Variants in TENT2 observed in about 807,000 individuals in gnomAD.
The protein encoded by TENT2 is terminal nucleotidyltransferase 2.
TENT2 carries 44 observed loss-of-function variants against 72.2 expected under a neutral mutation model. That is an observed-to-expected ratio of 0.61 (90% CI 0.48 to 0.78). The LOEUF is 0.78. Ranked by LOEUF, TENT2 falls within the 30% of genes least tolerant of loss-of-function variation. The pLI is 0.00. For missense variants in TENT2, 541 were observed against 569.6 expected (o/e 0.95, Z 0.51); for synonymous variants, 212 against 192.5 (o/e 1.10, Z -0.84).
At chr5:79,652,231 A>G (rs2150203733) in intron 10 of TENT2, among the ~76,000 whole-genome samples, 1 of 152,174 alleles carries the variant, frequency 6.6e-6, no homozygotes, top group Non-Finnish European at 1.5e-5. Flanking sequence ...AATTTTCTAG[A>G]ATAGGGGAAT....
In TENT2 at chr5:79,656,992, A is replaced by G; in HGVS notation, c.1062A>G (p.Lys354=). Residue 354 remains lysine (K), a synonymous_variant, in exon 11 of 15, where the codon AAA becomes AAG. Coordinates refer to ENST00000453514, the MANE Select transcript of TENT2 (RefSeq NM_001114394.3). ...LPEPILPSLQ[K]IYPESFSPAI... ...AACCCATCCTTCCATCCCTCCAAAA[A>G]ATTTACCCAGTAAGTGTTTCTTATA... 6.3e-7 allele frequency: 1 copy of G among 1,597,964 alleles called. No homozygotes were observed. Among genetic ancestry groups the G allele is most frequent in the Non-Finnish European group, 8.6e-7 (1 of 1,166,914 alleles).
chr5:79,678,891 C>CTTTCTTTTCT (rs201529417), intron 12 of TENT2, among the ~76,000 whole-genome samples: 2 of 151,934 alleles, frequency 1.3e-5, no homozygotes, highest in East Asian at 3.9e-4. Context: ...TTTACTTGTA[C>CTTTCTTTTCT]TTTCTTTTCT....
At chr5:79,640,812 C>A in intron 4 of TENT2, 39 bp from the exon 5 acceptor site, 2 of 1,364,134 alleles carry the variant, frequency 1.5e-6, no homozygotes, top group South Asian at 1.2e-5. Flanking sequence ...TTTTACATTG[C>A]TGAACAAAAC....
At chr5:79,650,787 G>C (rs956931747) in intron 10 of TENT2, among the ~76,000 whole-genome samples, 2 of 152,008 alleles carry the variant, frequency 1.3e-5, no homozygotes, top group Non-Finnish European at 2.9e-5. Context: ...GGCTTCTTTG[G>C]ATAGGGATTG....
intron 10 of TENT2, among the ~76,000 whole-genome samples, chr5:79,656,567 T>A (rs911188853): frequency 6.6e-6 from 1 of 152,038 alleles, no homozygotes; most frequent in Admixed American, 6.6e-5. Context: ...ACTGTATTTT[T>A]AAAATTGTAG....
At chr5:79,641,419 G>A (rs1784326261) in intron 6 of TENT2, among the ~76,000 whole-genome samples, 1 of 148,494 alleles carries the variant, frequency 6.7e-6, no homozygotes, top group South Asian at 2.1e-4. Flanking sequence ...TTTTTAAAGT[G>A]AGATGGCTTC....
chr5:79,658,446 C>G (rs1261674191), intron 11 of TENT2, among the ~76,000 whole-genome samples: 1 of 151,760 alleles, frequency 6.6e-6, no homozygotes, highest in African/African-American at 2.4e-5. Context: ...CTACCTTGGC[C>G]TCCCAAAGTT....
chr5:79,619,648 C>A lies in TENT2; in HGVS notation c.-1C>A. 1 of 1,612,864 alleles carries A rather than the reference C, an allele frequency of 6.2e-7. No individual in the cohort carries two copies. Among genetic ancestry groups the A allele is most frequent in the Non-Finnish European group, 8.5e-7 (1 of 1,179,330 alleles). Reference sequence around the variant, plus strand: ...CATGTTCACTTCCAGTGAACAAGAGCATGTTCCCAAACTCAATTTTGGGTC... The same window carrying A: ...CATGTTCACTTCCAGTGAACAAGAGAATGTTCCCAAACTCAATTTTGGGTC... On this transcript the variant is annotated 5_prime_UTR_variant, in exon 2 of 15. Coordinates refer to ENST00000453514, the MANE Select transcript of TENT2 (RefSeq NM_001114394.3).
At chr5:79,633,290 A>G (rs1777058995) in intron 4 of TENT2, among the ~76,000 whole-genome samples, 1 of 152,154 alleles carries the variant, frequency 6.6e-6, no homozygotes, top group Non-Finnish European at 1.5e-5. Flanking sequence ...TATATGCTAT[A>G]ATGACCTGTT....
rs772007780 is a variant in TENT2 at position 79,657,006 on chromosome 5, G to T, written c.1071+5G>T. 6.4e-7 allele frequency: 1 copy of T among 1,567,718 alleles called. No homozygotes were observed. The highest frequency in any genetic ancestry group is 1.1e-5 in the South Asian group (1 of 89,236). On this transcript the variant is annotated splice_donor_5th_base_variant and intron_variant, in intron 11 of 14. Transcript: ENST00000453514. Reference sequence around the variant, plus strand: ...TCCCTCCAAAAAATTTACCCAGTAAGTGTTTCTTATAAATTATTATAATAC... The same window carrying T: ...TCCCTCCAAAAAATTTACCCAGTAATTGTTTCTTATAAATTATTATAATAC...
intron 10 of TENT2, among the ~76,000 whole-genome samples, chr5:79,651,255 G>A (rs1793757093): frequency 6.6e-6 from 1 of 151,424 alleles, no homozygotes; most frequent in Admixed American, 6.6e-5. Flanking sequence ...CAAAAGTTGG[G>A]GACAAATAAA....
chr5:79,685,408 T>C lies in TENT2; in HGVS notation c.*135T>C, dbSNP rs557219483. Reference sequence around the variant, plus strand: ...CATGTTTTATTTTTAAAAAGACATATAAAGATTGCATATTTTATTATGACA... The same window carrying C: ...CATGTTTTATTTTTAAAAAGACATACAAAGATTGCATATTTTATTATGACA... On this transcript the variant is annotated 3_prime_UTR_variant, in exon 15 of 15. Transcript: ENST00000453514. 5.5e-6 allele frequency: 3 copies of C among 544,006 alleles called. No homozygotes were observed. Among genetic ancestry groups the C allele is most frequent in the Non-Finnish European group, 9.2e-6 (3 of 326,326 alleles). 33.7% of individuals were successfully genotyped at this position (544,006 alleles called of 1,614,324 possible).
intron 3 of TENT2, among the ~76,000 whole-genome samples, chr5:79,622,908 T>C (rs1051247877): frequency 1.3e-5 from 2 of 152,184 alleles, no homozygotes; most frequent in Non-Finnish European, 2.9e-5. Context: ...ATCTTCCTTA[T>C]GTTATAGTTT....
In TENT2 at chr5:79,680,832, T is replaced by C. The variant is rs569941868; in HGVS notation, c.1301-1150T>C. Among the ~76,000 whole-genome samples the C allele has an allele frequency of 1.4e-4, 21 of 152,292 alleles. No homozygotes were observed. The East Asian group carries it at 3.9e-3, about 28-fold the overall frequency. ...TGCTAAAATTCTTAATTTCTAGTAA[T>C]GTTTACCTACTGCTGGCATTATTTA... On this transcript the variant is annotated intron_variant, in intron 13 of 14. Transcript: ENST00000453514.
At position 79,672,451 on chromosome 5, in the gene TENT2, C is replaced by G. The variant is rs568407426; in HGVS notation, c.1208+3423C>G. 5.8e-3 allele frequency among the ~76,000 whole-genome samples: 886 copies of G among 152,316 alleles called. 4 individuals are homozygous for G. Among genetic ancestry groups the G allele is most frequent in the Non-Finnish European group, 7.1e-3 (481 of 68,028 alleles). Reference sequence around the variant, plus strand: ...ACTCATTAACAATCCCCACTTCCGCCTCTCCCTGCCACTGCCCTTCCCAGC... The same window carrying G: ...ACTCATTAACAATCCCCACTTCCGCGTCTCCCTGCCACTGCCCTTCCCAGC... On this transcript the variant is annotated intron_variant, in intron 12 of 14. Coordinates refer to ENST00000453514, the MANE Select transcript of TENT2 (RefSeq NM_001114394.3).
In TENT2 at chr5:79,619,635, C is replaced by T; in HGVS notation, c.-14C>T. Reference sequence around the variant, plus strand: ...AGGTAGAAGAATACATGTTCACTTCCAGTGAACAAGAGCATGTTCCCAAAC... The same window carrying T: ...AGGTAGAAGAATACATGTTCACTTCTAGTGAACAAGAGCATGTTCCCAAAC... On this transcript the variant is annotated 5_prime_UTR_variant, in exon 2 of 15. Coordinates refer to ENST00000453514, the MANE Select transcript of TENT2 (RefSeq NM_001114394.3). 2 of 1,604,728 alleles carry T rather than the reference C, an allele frequency of 1.2e-6. No homozygotes were observed. Among genetic ancestry groups the T allele is most frequent in the Non-Finnish European group, 8.5e-7 (1 of 1,173,018 alleles).
intron 4 of TENT2, among the ~76,000 whole-genome samples, chr5:79,633,721 GTTTTT>G (rs10565563): frequency 2.5e-4 from 33 of 130,280 alleles, no homozygotes; most frequent in Middle Eastern, 4.3e-3. Context: ...AGGCTAAAAA[GTTTTT>G]TTTTTTTTTT....
Position 79,623,409 on chromosome 5 carries a change from A to G in TENT2, c.385A>G (p.Ile129Val). ...GTTTCATACACATTATGTACCAGAT[A>G]TAGTCAGATGTGTTCCACCTTTTCG... is the stretch of plus-strand genomic sequence containing the variant. ...PLFHTHYVPD[I>V]VRCVPPFREI... The change falls in exon 4 of 15, where the codon ATA becomes GTA. Residue 129 changes from isoleucine (I) to valine (V), a missense_variant. Coordinates refer to ENST00000453514, the MANE Select transcript of TENT2 (RefSeq NM_001114394.3). The G allele has an allele frequency of 1.2e-6, 2 of 1,613,354 alleles. No individual in the cohort carries two copies. Among genetic ancestry groups the G allele is most frequent in the African/African-American group, 1.3e-5 (1 of 75,034 alleles).
intron 4 of TENT2, among the ~76,000 whole-genome samples, chr5:79,639,271 A>G (rs959189408): frequency 2.6e-4 from 40 of 152,140 alleles, no homozygotes; most frequent in Admixed American, 1.0e-3. Flanking sequence ...AAGGGAGATA[A>G]GTTTAGAGGG....
Sources: allele counts gnomAD v4.1 joint callset (sites outside exome capture counted in the v4.1 genomes callset), GRCh38; gene constraint gnomAD v4.1.1; transcripts MANE v1.5; gene names NCBI Gene and HGNC (gene_info 2026-07-23, HGNC 2026-07-21).